The following IL5RA variants were observed in gnomAD, a reference collection of about 807,000 sequenced individuals.
IL5RA encodes the protein interleukin-5 receptor subunit alpha.
IL5RA carries 49 observed loss-of-function variants against 50.0 expected under a neutral mutation model. The observed-to-expected ratio is 0.98, with a 90% CI of 0.78 to 1.24. The LOEUF is 1.24. IL5RA is among the 50% of genes most tolerant of loss of function. The pLI, the probability that IL5RA is intolerant of heterozygous loss-of-function variation, is 0.00. For missense variants in IL5RA, 600 were observed against 500.4 expected (o/e 1.20, Z -1.90); for synonymous variants, 202 against 174.0 (o/e 1.16, Z -1.26).
At position 3,101,783 on chromosome 3, in the gene IL5RA, T is replaced by C. The variant is rs17852443; in HGVS notation, c.276A>G (p.Lys92=). ...TGGTCCGCACACTTGCTGAAAAGCC[T>C]TTGTGGAGGATGGTTACACATTTGC... is the stretch of plus-strand genomic sequence containing the variant. ...TESKCVTILH[K]GFSASVRTIL... Residue 92 remains lysine, a synonymous_variant, in exon 5 of 12, where the codon AAA becomes AAG. Coordinates refer to ENST00000446632, the MANE Select transcript of IL5RA (RefSeq NM_175726.4). The C allele has an allele frequency of 6.2e-7, 1 of 1,614,164 alleles. No homozygotes were observed. The highest frequency in any genetic ancestry group is 8.5e-7 in the Non-Finnish European group (1 of 1,180,004).
chr3:3,078,768 AGGTTGTGGTGAGC>A (rs1199330514), intron 9 of IL5RA, among the ~76,000 whole-genome samples: 1 of 149,052 alleles, frequency 6.7e-6, no homozygotes, highest in African/African-American at 2.5e-5. Context: ...TGGGAAGTGG[AGGTTGTGGTGAGC>A]TGAGATCCCG....
chr3:3,083,091 G>C (rs1221504199), intron 9 of IL5RA, among the ~76,000 whole-genome samples: 1 of 152,156 alleles, frequency 6.6e-6, no homozygotes, highest in East Asian at 1.9e-4. Flanking sequence ...TATGATACAG[G>C]GTTTAACTAG....
At chr3:3,108,304 A>AT (rs967662412) in intron 2 of IL5RA, among the ~76,000 whole-genome samples, 19 of 151,798 alleles carry the variant, frequency 1.3e-4, no homozygotes, top group African/African-American at 3.6e-4. Flanking sequence ...CATGCATGCA[A>AT]TTTTTTTTTA....
chr3:3,075,543 C>G (rs1426206526), intron 10 of IL5RA, among the ~76,000 whole-genome samples: 1 of 151,732 alleles, frequency 6.6e-6, no homozygotes, highest in Non-Finnish European at 1.5e-5. Flanking sequence ...TGCCTTCCCC[C>G]AAACTGTAGA....
At chr3:3,071,552 A>AGTGTGTGTGTGTGT (rs55736610) in intron 11 of IL5RA, among the ~76,000 whole-genome samples, 4 of 136,064 alleles carry the variant, frequency 2.9e-5, no homozygotes, top group South Asian at 2.3e-4. Context: ...CTTCCTTCAC[A>AGTGTGTGTGTGTGT]GTGTGTGTGT....
At chr3:3,096,850 T>G (rs1193771020) in intron 7 of IL5RA, among the ~76,000 whole-genome samples, 1 of 152,224 alleles carries the variant, frequency 6.6e-6, no homozygotes, top group Non-Finnish European at 1.5e-5. Flanking sequence ...AATATTGTAG[T>G]GTATTTATTA....
intron 9 of IL5RA, chr3:3,089,963 A>G (rs989634868): frequency 2.3e-6 from 1 of 429,678 alleles, no homozygotes. Flanking sequence ...TAAAGCTTGC[A>G]GAATCCTGTC....
intron 3 of IL5RA, among the ~76,000 whole-genome samples, chr3:3,104,397 T>C (rs1029339739): frequency 2.0e-5 from 3 of 152,214 alleles, no homozygotes; most frequent in Non-Finnish European, 2.9e-5. Flanking sequence ...GGCGCAATAG[T>C]CACATATGGC....
At chr3:3,106,304 G>A (rs1703918913) in intron 2 of IL5RA, among the ~76,000 whole-genome samples, 1 of 152,070 alleles carries the variant, frequency 6.6e-6, no homozygotes, top group Non-Finnish European at 1.5e-5. Context: ...TGGGCTAAAT[G>A]AATACCTCCA....
In IL5RA at chr3:3,072,698, G is replaced by A. The variant is rs190648724; in HGVS notation, c.1176+2084C>T. On this transcript the variant is annotated intron_variant, in intron 11 of 11. Transcript: ENST00000446632. The stretch of plus-strand genomic sequence containing the variant: ...ACTTTGGGAAGGCTGGATCACTTGA[G>A]GTCAGGAGTTCAAGACCAGCCTGGC... Among the ~76,000 whole-genome samples, 10 of 152,252 alleles carry A rather than the reference G, an allele frequency of 6.6e-5. No individual in the cohort carries two copies. In the East Asian group the frequency reaches 1.5e-3, roughly 24 times the overall value.
rs192424546 is a variant in IL5RA, at chr3:3,078,980, C to T, written c.995-2353G>A. ...TTTCCAGCTTTATTTTTACTGACCT[C>T]CTTCCTGAATTTCAGACTGTGTATA... On this transcript the variant is annotated intron_variant, in intron 9 of 11. Transcript: ENST00000446632. Among the ~76,000 whole-genome samples, 3 of 152,274 alleles carry T rather than the reference C, an allele frequency of 2.0e-5. No homozygotes were observed. In the East Asian group the frequency reaches 5.8e-4, roughly 29 times the overall value.
At chr3:3,085,075 G>A (rs1034269298) in intron 9 of IL5RA, among the ~76,000 whole-genome samples, 2 of 152,368 alleles carry the variant, frequency 1.3e-5, no homozygotes, top group African/African-American at 2.4e-5. Flanking sequence ...GACCACAGGC[G>A]TGAGGCAGTC....
At chr3:3,094,205 C>T (rs1160684574) in intron 8 of IL5RA, among the ~76,000 whole-genome samples, 2 of 152,060 alleles carry the variant, frequency 1.3e-5, no homozygotes, top group Admixed American at 6.6e-5. Context: ...TGTTGTGTCA[C>T]CAATGTTCAA....
chr3:3,093,030 C>CA (rs769120047), intron 8 of IL5RA, among the ~76,000 whole-genome samples: 1 of 152,038 alleles, frequency 6.6e-6, no homozygotes, highest in African/African-American at 2.4e-5. Context: ...ATGCTGCTAC[C>CA]AAAAATCTTC....
intron 3 of IL5RA, among the ~76,000 whole-genome samples, chr3:3,104,607 C>T (rs142976144): frequency 6.6e-6 from 1 of 152,208 alleles, no homozygotes; most frequent in African/African-American, 2.4e-5. Context: ...CTAACTACTC[C>T]CTTGTGTGAG....
At chr3:3,093,738 G>A (rs1379876861) in intron 8 of IL5RA, among the ~76,000 whole-genome samples, 1 of 152,184 alleles carries the variant, frequency 6.6e-6, no homozygotes, top group Non-Finnish European at 1.5e-5. Context: ...TCCTGTGGGA[G>A]GGCAACCCCA....
chr3:3,072,505 A>C (rs917207544), intron 11 of IL5RA, among the ~76,000 whole-genome samples: 1 of 152,228 alleles, frequency 6.6e-6, no homozygotes, highest in South Asian at 2.1e-4. Flanking sequence ...CTTTTATACC[A>C]GTTTATTTCA....
intron 9 of IL5RA, among the ~76,000 whole-genome samples, chr3:3,091,313 G>A (rs1486871890): frequency 1.3e-5 from 2 of 152,198 alleles, no homozygotes; most frequent in Non-Finnish European, 2.9e-5. Flanking sequence ...AGAGGAGAGA[G>A]AGATGGGTGT....
rs1214773849 is a variant in IL5RA, at chr3:3,092,389, G to T, written c.856-27C>A. On this transcript the variant is annotated intron_variant, in intron 8 of 11. Transcript: ENST00000446632. The surrounding 1 kb of genome is among the most constrained non-coding windows in gnomAD (Gnocchi z 4.2). ...TAAGTGGGGAAAGATAGCATTAGAAGAATCTCTAGACACCTAATTTAGTTC... is the reference window on the plus strand; with the variant it reads ...TAAGTGGGGAAAGATAGCATTAGAATAATCTCTAGACACCTAATTTAGTTC... 1 of 1,606,000 alleles carries T rather than the reference G, an allele frequency of 6.2e-7. No homozygotes were observed. Among genetic ancestry groups the T allele is most frequent in the East Asian group, 2.2e-5 (1 of 44,868 alleles).
Sources: allele counts gnomAD v4.1 joint callset (sites outside exome capture counted in the v4.1 genomes callset), GRCh38; gene constraint gnomAD v4.1.1; non-coding constraint Gnocchi (gnomAD v3.1); transcripts MANE v1.5; gene names NCBI Gene and HGNC (gene_info 2026-07-23, HGNC 2026-07-21).